Variants in FANCA observed in about 807,000 individuals in gnomAD.
FANCA encodes the protein Fanconi anemia group A protein.
FANCA carries 236 observed loss-of-function variants against 194.3 expected under a neutral mutation model. The observed-to-expected ratio is 1.21, with a 90% CI of 1.09 to 1.35. The LOEUF is 1.35. FANCA is among the 40% of genes most tolerant of loss of function. The pLI, the probability that FANCA is intolerant of heterozygous loss-of-function variation, is 0.00. For synonymous variants in FANCA, 1,014 were observed against 715.8 expected (o/e 1.42, Z -6.65); for missense variants, 2,628 against 1,813.9 (o/e 1.45, Z -8.15).
chr16:89,750,154 G>A (rs2038534131), intron 31 of FANCA, among the ~76,000 whole-genome samples: 1 of 152,116 alleles, frequency 6.6e-6, no homozygotes, highest in African/African-American at 2.4e-5. Flanking sequence ...CTTGAGCCCA[G>A]GAGTTACAGT....
In FANCA at chr16:89,791,486, T is replaced by C. The variant is rs985078327; in HGVS notation, c.1276A>G (p.Ser426Gly). The C allele has an allele frequency of 1.2e-6, 2 of 1,614,190 alleles. No homozygotes were observed. Among genetic ancestry groups the C allele is most frequent in the Non-Finnish European group, 1.7e-6 (2 of 1,180,022 alleles). Reference protein sequence around the residue: ...AQAFESCQLDSMVTAFLVVRQ... With the variant: ...AQAFESCQLDGMVTAFLVVRQ... ...ACAACCAGGAACGCAGTGACCATGC[T>C]GTCCAGCTGGCAGCTCTCGAATGCC... Residue 426 changes from serine (S) to glycine (G), a missense_variant, in exon 14 of 43, where the codon AGC (serine) becomes GGC (glycine). Transcript: ENST00000389301.
chr16:89,740,122 C>A (rs754954329), intron 38 of FANCA, 23 bp from the exon 39 acceptor site: 2 of 1,605,194 alleles, frequency 1.2e-6, no homozygotes, highest in Non-Finnish European at 1.7e-6. Context: ...GGAGACCAAC[C>A]CTGAGAATGG....
chr16:89,786,778 G>T (rs1272335040), intron 14 of FANCA, among the ~76,000 whole-genome samples: 2 of 152,196 alleles, frequency 1.3e-5, no homozygotes, highest in Admixed American at 1.3e-4. Context: ...CAAATACCAG[G>T]AAAGCAGCTC....
intron 36 of FANCA, among the ~76,000 whole-genome samples, chr16:89,743,899 T>C (rs1448527613): frequency 1.3e-5 from 2 of 149,142 alleles, no homozygotes; most frequent in Non-Finnish European, 3.0e-5. Context: ...AGGTGTGACC[T>C]GCTTTCTCCT....
At chr16:89,756,999 G>C (rs982544039) in intron 30 of FANCA, among the ~76,000 whole-genome samples, 1 of 152,162 alleles carries the variant, frequency 6.6e-6, no homozygotes, top group Non-Finnish European at 1.5e-5. Flanking sequence ...TTTGTTTTGA[G>C]ATGGAGTCTC....
At chr16:89,796,253 G>A (rs1259150740) in intron 10 of FANCA, among the ~76,000 whole-genome samples, 2 of 152,182 alleles carry the variant, frequency 1.3e-5, no homozygotes, top group South Asian at 2.1e-4. Context: ...AGGAGCAGAA[G>A]GAAACAGGTG....
chr16:89,798,393 A>T (rs1211218707), intron 10 of FANCA: 1 of 1,055,648 alleles, frequency 9.5e-7, no homozygotes. Context: ...TGTTTCAGTA[A>T]AAGTACCGAA....
intron 5 of FANCA, among the ~76,000 whole-genome samples, chr16:89,810,140 G>A (rs1202664948): frequency 1.7e-4 from 26 of 151,892 alleles, no homozygotes; most frequent in Admixed American, 1.5e-3. Context: ...GGCTAACACG[G>A]TGAAACCCCG....
intron 24 of FANCA, 67 bp from the exon 25 acceptor site, chr16:89,770,326 T>C (rs773245620): frequency 7.2e-7 from 1 of 1,384,658 alleles, no homozygotes; most frequent in Non-Finnish European, 1.0e-6. Context: ...CAACAGCTAA[T>C]CCAACCACCA....
chr16:89,782,355 C>A (rs1009943142), intron 17 of FANCA, among the ~76,000 whole-genome samples: 5 of 150,182 alleles, frequency 3.3e-5, no homozygotes, highest in Non-Finnish European at 5.9e-5. Flanking sequence ...ATTAAAAATA[C>A]AAAAAAATTA....
chr16:89,739,765 C>CAG (rs1428932772), intron 39 of FANCA: 1 of 1,476,548 alleles, frequency 6.8e-7, no homozygotes, highest in African/African-American at 1.4e-5. Context: ...GGGTGTGGTG[C>CAG]AGAGAGAGGC....
At chr16:89,778,560 G>A (rs760306932) in intron 20 of FANCA, 4 of 496,098 alleles carry the variant, frequency 8.1e-6, no homozygotes, top group Non-Finnish European at 1.4e-5. Flanking sequence ...CCTAAGATGT[G>A]GAGGTTGCAG....
intron 30 of FANCA, among the ~76,000 whole-genome samples, chr16:89,753,552 A>G (rs2038669796): frequency 6.6e-6 from 1 of 152,248 alleles, no homozygotes. Flanking sequence ...ATGTAGAAAA[A>G]GCACTTGACG....
chr16:89,803,205 T>C, intron 8 of FANCA, 54 bp downstream of exon 8: 4 of 1,523,044 alleles, frequency 2.6e-6, no homozygotes, highest in Non-Finnish European at 3.6e-6. Context: ...ATTTCAACAC[T>C]TGGAATAAGG....
At chr16:89,805,435 C>T (rs1253130366) in intron 6 of FANCA, 43 bp from the exon 7 acceptor site, 1 of 1,499,954 alleles carries the variant, frequency 6.7e-7, no homozygotes, top group Non-Finnish European at 9.3e-7. Flanking sequence ...CAACTAAATC[C>T]CATCATCAGG....
chr16:89,770,353 C>A, intron 24 of FANCA, 94 bp from the exon 25 acceptor site: 1 of 1,215,180 alleles, frequency 8.2e-7, no homozygotes, highest in Middle Eastern at 2.7e-4. Context: ...GAAGAAAGAG[C>A]CAAGCTGTTC....
Position 89,752,149 on chromosome 16 carries a change from AAAT to A in FANCA, c.3052_3054del (p.Ile1018del). ...ACCCTCAAACTCACCTGCAATCTGG[AAAT>A]AATATCCTCATTTCCTGTGCGGCCA... On this transcript the variant is annotated inframe_deletion, in exon 31 of 43. Coordinates refer to ENST00000389301, the MANE Select transcript of FANCA (RefSeq NM_000135.4). The A allele has an allele frequency of 1.9e-6, 3 of 1,614,100 alleles. No homozygotes were observed. Among genetic ancestry groups the A allele is most frequent in the African/African-American group, 1.3e-5 (1 of 75,026 alleles).
intron 11 of FANCA, among the ~76,000 whole-genome samples, chr16:89,793,295 C>T (rs1335434958): frequency 6.6e-6 from 1 of 152,152 alleles, no homozygotes; most frequent in Non-Finnish European, 1.5e-5. Flanking sequence ...ACCAAGGAGC[C>T]CTCTGGTGGC....
intron 8 of FANCA, among the ~76,000 whole-genome samples, chr16:89,802,108 G>A (rs892214765): frequency 6.6e-6 from 1 of 152,092 alleles, no homozygotes; most frequent in Non-Finnish European, 1.5e-5. Context: ...ACACACAACG[G>A]AATACTGGTC....
Sources: allele counts gnomAD v4.1 joint callset (sites outside exome capture counted in the v4.1 genomes callset), GRCh38; gene constraint gnomAD v4.1.1; transcripts MANE v1.5; gene names NCBI Gene and HGNC (gene_info 2026-07-23, HGNC 2026-07-21).